EPHA6: variants seen among roughly 807,000 people sequenced by gnomAD.
EPHA6 encodes the protein EPH receptor A6.
A neutral mutation model predicts 112.0 loss-of-function variants in EPHA6; 50 were observed. That is an observed-to-expected ratio of 0.45 (90% CI 0.36 to 0.56). The LOEUF (loss-of-function observed/expected upper bound fraction) is 0.56, where lower values mean the gene tolerates loss of function less well. EPHA6 is among the 20% of genes least tolerant of loss of function. The pLI is 0.00. For missense variants in EPHA6, 1,280 were observed against 1,417.4 expected, an observed-to-expected ratio of 0.90 and a Z score of 1.56; for synonymous variants, 529 against 490.7, an observed-to-expected ratio of 1.08 and a Z score of -1.03.
intron 3 of EPHA6, among the ~76,000 whole-genome samples, chr3:97,106,902 C>A (rs919586340): frequency 1.3e-5 from 2 of 152,070 alleles, no homozygotes; most frequent in African/African-American, 4.8e-5. Flanking sequence ...AATAACTTAT[C>A]AAGTGTATAG....
chr3:97,641,530 C>G (rs531529981), intron 14 of EPHA6, among the ~76,000 whole-genome samples: 1 of 152,120 alleles, frequency 6.6e-6, no homozygotes, highest in South Asian at 2.1e-4. Context: ...TCTGAGGTAC[C>G]GGGTTCATCT....
At chr3:97,741,451 T>C (rs2035501705) in intron 16 of EPHA6, among the ~76,000 whole-genome samples, 1 of 152,214 alleles carries the variant, frequency 6.6e-6, no homozygotes, top group Non-Finnish European at 1.5e-5. Context: ...TGATACAAAC[T>C]CTTAATATAT....
At chr3:97,173,791 A>G (rs546239143) in intron 3 of EPHA6, among the ~76,000 whole-genome samples, 1 of 152,000 alleles carries the variant, frequency 6.6e-6, no homozygotes, top group Admixed American at 6.6e-5. Context: ...TATAAAGTAC[A>G]TGAGATGTTT....
At chr3:97,713,905 C>T (rs2034097669) in intron 14 of EPHA6, among the ~76,000 whole-genome samples, 1 of 152,178 alleles carries the variant, frequency 6.6e-6, no homozygotes, top group Non-Finnish European at 1.5e-5. Flanking sequence ...AATTTGTCTC[C>T]AGTCTTGGAA....
intron 10 of EPHA6, among the ~76,000 whole-genome samples, chr3:97,527,828 A>T (rs901129331): frequency 6.6e-6 from 1 of 152,124 alleles, no homozygotes; most frequent in South Asian, 2.1e-4. Context: ...CTTCTCAGTG[A>T]TGAAGAAGAA....
intron 11 of EPHA6, among the ~76,000 whole-genome samples, chr3:97,578,810 C>T (rs890086869): frequency 9.2e-5 from 14 of 152,284 alleles, no homozygotes; most frequent in African/African-American, 3.4e-4. Flanking sequence ...ACTTCTGTTT[C>T]ATTCAACTGA....
At chr3:97,407,871 T>C (rs2087460629) in intron 6 of EPHA6, among the ~76,000 whole-genome samples, 2 of 152,090 alleles carry the variant, frequency 1.3e-5, no homozygotes. Context: ...CCCGCTTCTA[T>C]TCATATCGAA....
At chr3:97,301,124 G>A (rs754292303) in intron 5 of EPHA6, among the ~76,000 whole-genome samples, 1 of 152,082 alleles carries the variant, frequency 6.6e-6, no homozygotes, top group Non-Finnish European at 1.5e-5. Flanking sequence ...GATCACTTGT[G>A]TATCTTCTCC....
At chr3:97,019,699 CTG>C (rs1215735738) in intron 3 of EPHA6, among the ~76,000 whole-genome samples, 1 of 152,098 alleles carries the variant, frequency 6.6e-6, no homozygotes, top group Non-Finnish European at 1.5e-5. Flanking sequence ...TGTTATATCT[CTG>C]TGGCCAGAAG....
intron 5 of EPHA6, among the ~76,000 whole-genome samples, chr3:97,362,104 AACAGCTAAGT>A (rs1432351319): frequency 2.0e-5 from 3 of 152,122 alleles, no homozygotes; most frequent in African/African-American, 7.2e-5. Flanking sequence ...AAAGGAGAAA[AACAGCTAAGT>A]ACACAAACCA....
At chr3:96,927,766 T>A (rs191969744) in intron 2 of EPHA6, among the ~76,000 whole-genome samples, 55 of 152,306 alleles carry the variant, frequency 3.6e-4, no homozygotes, top group Admixed American at 1.2e-3. Context: ...CACTTCCACA[T>A]TTTCAGGTTG....
chr3:97,110,523 A>ATTAT (rs1009535108), intron 3 of EPHA6, among the ~76,000 whole-genome samples: 12 of 151,692 alleles, frequency 7.9e-5, no homozygotes, highest in Middle Eastern at 3.4e-3. Flanking sequence ...ATTTTATTAT[A>ATTAT]TTATTTATTT....
At chr3:97,141,568 C>A (rs1187809020) in intron 3 of EPHA6, among the ~76,000 whole-genome samples, 1 of 151,966 alleles carries the variant, frequency 6.6e-6, no homozygotes, top group Admixed American at 6.6e-5. Context: ...GGAAACTAAG[C>A]AGATTGCTTC....
intron 14 of EPHA6, among the ~76,000 whole-genome samples, chr3:97,703,837 A>G (rs2033531582): frequency 6.6e-6 from 1 of 152,102 alleles, no homozygotes; most frequent in Admixed American, 6.6e-5. Context: ...AAAAGTAAAA[A>G]TTGTTCGTAT....
intron 12 of EPHA6, among the ~76,000 whole-genome samples, chr3:97,598,274 TA>T (rs2093611305): frequency 6.6e-6 from 1 of 151,984 alleles, no homozygotes; most frequent in African/African-American, 2.4e-5. Context: ...GTTTTTTTTT[TA>T]TTATTATACT....
chr3:96,817,340 A>G (rs1026149105), intron 1 of EPHA6, among the ~76,000 whole-genome samples: 4 of 151,970 alleles, frequency 2.6e-5, no homozygotes, highest in Admixed American at 1.3e-4. Flanking sequence ...TGTTATTCTT[A>G]ATAACATTTT....
Position 96,990,666 on chromosome 3 carries a change from TTATTTTAAAGATATA to T in EPHA6, c.1114+2677_1114+2691del, listed in dbSNP as rs1338443960. On this transcript the variant is annotated intron_variant, in intron 3 of 17. Coordinates refer to ENST00000389672, the MANE Select transcript of EPHA6 (RefSeq NM_001080448.3). ...TGTCAGAGTGGATGTGGAGACTACA[TTATTTTAAAGATATA>T]TATAGTGCACTACCACCAGTGTTCA... 2.6e-5 allele frequency among the ~76,000 whole-genome samples: 4 copies of T among 152,184 alleles called. No individual in the cohort carries two copies. In the East Asian group the frequency reaches 7.7e-4, roughly 29 times the overall value.
chr3:97,356,179 T>G (rs1256750836), intron 5 of EPHA6, among the ~76,000 whole-genome samples: 1 of 152,172 alleles, frequency 6.6e-6, no homozygotes, highest in Non-Finnish European at 1.5e-5. Context: ...GGGATCGAGG[T>G]CACAAGCTCC....
At chr3:96,998,242 A>C (rs893918568) in intron 3 of EPHA6, among the ~76,000 whole-genome samples, 2 of 151,944 alleles carry the variant, frequency 1.3e-5, no homozygotes, top group South Asian at 4.1e-4. Flanking sequence ...TCACCCACTG[A>C]AATGGCTCCT....
Sources: allele counts gnomAD v4.1 joint callset (sites outside exome capture counted in the v4.1 genomes callset), GRCh38; gene constraint gnomAD v4.1.1; transcripts MANE v1.5; gene names NCBI Gene and HGNC (gene_info 2026-07-23, HGNC 2026-07-21).